Variants in AGBL4 observed in about 807,000 individuals in gnomAD.
AGBL4 encodes the protein AGBL carboxypeptidase 4, also known as cytosolic carboxypeptidase 6.
AGBL4 carries 58 observed loss-of-function variants against 66.4 expected under a neutral mutation model. The ratio of observed to expected loss-of-function variants is 0.87; its 90% CI spans 0.71 to 1.09. The LOEUF is 1.09. Among genes scored for constraint, AGBL4 ranks in the 50% least tolerant of loss-of-function variants. AGBL4 has a pLI of 0.00. For synonymous variants in AGBL4, 234 were observed against 222.9 expected (o/e 1.05, Z -0.44); for missense variants, 579 against 631.0 (o/e 0.92, Z 0.88).
intron 3 of AGBL4, among the ~76,000 whole-genome samples, chr1:49,353,038 T>A (rs1482479420): frequency 6.6e-6 from 1 of 152,208 alleles, no homozygotes; most frequent in Non-Finnish European, 1.5e-5. Context: ...CTAGTTTAAG[T>A]ATTATCCCTT....
chr1:49,468,465 C>A (rs1646674012), intron 3 of AGBL4, among the ~76,000 whole-genome samples: 1 of 151,598 alleles, frequency 6.6e-6, no homozygotes, highest in Non-Finnish European at 1.5e-5. Context: ...AATACAAATC[C>A]CTAAATTCTA....
intron 6 of AGBL4, among the ~76,000 whole-genome samples, chr1:48,750,077 A>G (rs546095535): frequency 5.3e-5 from 8 of 152,220 alleles, no homozygotes; most frequent in Admixed American, 3.9e-4. Flanking sequence ...TCAATCCATG[A>G]CCCTGACCTC....
At chr1:49,007,385 C>A (rs1157708208) in intron 5 of AGBL4, among the ~76,000 whole-genome samples, 5 of 149,882 alleles carry the variant, frequency 3.3e-5, no homozygotes, top group African/African-American at 9.8e-5. Context: ...TGTGAAAAGA[C>A]CAAATCTACG....
chr1:49,320,057 G>T (rs761469425), intron 3 of AGBL4, among the ~76,000 whole-genome samples: 1 of 151,854 alleles, frequency 6.6e-6, no homozygotes, highest in Non-Finnish European at 1.5e-5. Flanking sequence ...TCCATCTCCC[G>T]AGTAGCTGGG....
At chr1:49,615,558 T>G (rs1407528795) in intron 3 of AGBL4, among the ~76,000 whole-genome samples, 1 of 152,106 alleles carries the variant, frequency 6.6e-6, no homozygotes, top group Admixed American at 6.6e-5. Flanking sequence ...TTCCTGATGT[T>G]AGAGAACTCT....
At chr1:49,695,573 T>G (rs1376920055) in intron 3 of AGBL4, among the ~76,000 whole-genome samples, 1 of 152,110 alleles carries the variant, frequency 6.6e-6, no homozygotes, top group Admixed American at 6.6e-5. Flanking sequence ...GAATGCCTAC[T>G]GTTACTGTGA....
At chr1:49,402,843 AG>A (rs772333167) in intron 3 of AGBL4, among the ~76,000 whole-genome samples, 31 of 152,208 alleles carry the variant, frequency 2.0e-4, no homozygotes, top group Admixed American at 4.6e-4. Context: ...CTGGGATCAC[AG>A]GCATGAGCCA....
Position 48,856,242 on chromosome 1 carries a change from A to G in AGBL4, c.634+10949T>C, listed in dbSNP as rs1208908495. On this transcript the variant is annotated intron_variant, in intron 6 of 13. Transcript: ENST00000371839. ...GATAAAAAGATGGTGTGTAAACTAC[A>G]TAGCAACATGGAGATTGTTTATGAA... 5.3e-5 allele frequency among the ~76,000 whole-genome samples: 8 copies of G among 152,246 alleles called. No individual in the cohort carries two copies. In the South Asian group the frequency reaches 8.3e-4, roughly 16 times the overall value.
intron 4 of AGBL4, among the ~76,000 whole-genome samples, chr1:49,203,875 C>A (rs532251348): frequency 6.6e-6 from 1 of 152,260 alleles, no homozygotes; most frequent in African/African-American, 2.4e-5. Flanking sequence ...CAACAATATG[C>A]ATGTAGTTAA....
chr1:49,900,258 T>C (rs1008120610), intron 1 of AGBL4, among the ~76,000 whole-genome samples: 2 of 152,084 alleles, frequency 1.3e-5, no homozygotes, highest in Non-Finnish European at 2.9e-5. Context: ...ATTTTTTTAT[T>C]TTTTGAGACA....
chr1:49,803,403 T>C (rs151117291), intron 2 of AGBL4, among the ~76,000 whole-genome samples: 240 of 152,296 alleles, frequency 1.6e-3, no homozygotes, highest in Admixed American at 3.1e-3. Flanking sequence ...AAGCACCACA[T>C]ATCCATCACT....
intron 3 of AGBL4, among the ~76,000 whole-genome samples, chr1:49,528,915 GA>G (rs1034231927): frequency 2.8e-4 from 42 of 152,028 alleles, no homozygotes; most frequent in African/African-American, 9.2e-4. Context: ...AGTAGGAGAT[GA>G]AGTTAGAGAG....
chr1:49,902,592 CA>C (rs1405750696), intron 1 of AGBL4, among the ~76,000 whole-genome samples: 1 of 151,912 alleles, frequency 6.6e-6, no homozygotes, highest in Non-Finnish European at 1.5e-5. Flanking sequence ...ACTAAAAATA[CA>C]AAAATTAGCT....
intron 3 of AGBL4, among the ~76,000 whole-genome samples, chr1:49,584,518 A>G (rs757442147): frequency 6.6e-6 from 1 of 152,162 alleles, no homozygotes; most frequent in Non-Finnish European, 1.5e-5. Flanking sequence ...TCCCTCTGAG[A>G]ATGCTCTAGA....
intron 3 of AGBL4, among the ~76,000 whole-genome samples, chr1:49,626,219 G>A (rs1426781799): frequency 6.6e-6 from 1 of 152,088 alleles, no homozygotes; most frequent in Non-Finnish European, 1.5e-5. Context: ...CCTCCAAACT[G>A]ACTCTTCAGC....
chr1:49,063,225 T>C (rs1644433694), intron 4 of AGBL4, among the ~76,000 whole-genome samples: 1 of 152,172 alleles, frequency 6.6e-6, no homozygotes, highest in Admixed American at 6.5e-5. Context: ...CTGCACACTT[T>C]TATAGAGATA....
At chr1:49,907,095 C>A (rs558765754) in intron 1 of AGBL4, among the ~76,000 whole-genome samples, 2 of 152,146 alleles carry the variant, frequency 1.3e-5, no homozygotes, top group South Asian at 2.1e-4. Context: ...AAAACAATCA[C>A]AAATGATGTG....
chr1:49,775,844 A>G (rs560182931), intron 2 of AGBL4, among the ~76,000 whole-genome samples: 1 of 152,240 alleles, frequency 6.6e-6, no homozygotes, highest in African/African-American at 2.4e-5. Context: ...TTATGAGGGG[A>G]AAAGTAAAAG....
intron 1 of AGBL4, among the ~76,000 whole-genome samples, chr1:49,948,580 TATAGAGAG>T (rs1185018947): frequency 6.3e-5 from 8 of 126,846 alleles, no homozygotes; most frequent in Admixed American, 5.4e-4. Flanking sequence ...TATATATATA[TATAGAGAG>T]AGAGAGAGAG....
Sources: allele counts gnomAD v4.1 joint callset (sites outside exome capture counted in the v4.1 genomes callset), GRCh38; gene constraint gnomAD v4.1.1; transcripts MANE v1.5; gene names NCBI Gene and HGNC (gene_info 2026-07-23, HGNC 2026-07-21).